SFMBT1: variants seen among roughly 807,000 people sequenced by gnomAD.
The protein encoded by SFMBT1 is Scm like with four mbt domains 1, also known as scm-like with four MBT domains protein 1.
Under a neutral mutation model 108.7 loss-of-function variants are expected in SFMBT1, and 32 were observed. The ratio of observed to expected loss-of-function variants is 0.29; its 90% CI spans 0.22 to 0.40. The LOEUF is 0.40. Among genes scored for constraint, SFMBT1 ranks in the 10% least tolerant of loss-of-function variants. SFMBT1 has a pLI of 1.00. For synonymous variants in SFMBT1, 348 were observed against 369.5 expected, an observed-to-expected ratio of 0.94 and a Z score of 0.67; for missense variants, 816 against 1,059.6, an observed-to-expected ratio of 0.77 and a Z score of 3.19.
intron 1 of SFMBT1, among the ~76,000 whole-genome samples, chr3:53,001,846 G>A (rs1269944051): frequency 6.8e-6 from 1 of 146,538 alleles, no homozygotes; most frequent in East Asian, 2.0e-4. Context: ...GGATATGTAG[G>A]CCCAGGAGGT....
intron 3 of SFMBT1, among the ~76,000 whole-genome samples, chr3:52,953,208 G>A (rs1246112812): frequency 6.6e-6 from 1 of 152,240 alleles, no homozygotes; most frequent in Non-Finnish European, 1.5e-5. Flanking sequence ...GCTCACGCCT[G>A]TAATCCCAGC....
At chr3:53,016,895 T>C (rs1447708328) in intron 1 of SFMBT1, among the ~76,000 whole-genome samples, 2 of 152,220 alleles carry the variant, frequency 1.3e-5, no homozygotes, top group African/African-American at 4.8e-5. Flanking sequence ...TGTTTTGCCT[T>C]TCACATTGGA....
rs1038291703 is a variant in SFMBT1, at chr3:52,997,367, T to C, written c.-130-28109A>G. ...CCTGGCTAACACTGTGAAACCCGTC[T>C]CTACTAAAAACACAAAAAATTAGTC... is the stretch of plus-strand genomic sequence containing the variant. On this transcript the variant is annotated intron_variant, in intron 1 of 20. Coordinates refer to ENST00000394752, the MANE Select transcript of SFMBT1 (RefSeq NM_016329.4). Among the ~76,000 whole-genome samples, 107 of 149,594 alleles carry C rather than the reference T, an allele frequency of 7.2e-4. 1 individual carries two copies. The highest frequency in any genetic ancestry group is 2.6e-3 in the African/African-American group (105 of 41,160).
At chr3:52,908,585 A>G (rs1702136250) in intron 17 of SFMBT1, among the ~76,000 whole-genome samples, 1 of 151,378 alleles carries the variant, frequency 6.6e-6, no homozygotes, top group Non-Finnish European at 1.5e-5. Flanking sequence ...CCATTGTTCT[A>G]TTTTTTTGAG....
chr3:52,996,982 T>C (rs775856216), intron 1 of SFMBT1, among the ~76,000 whole-genome samples: 3 of 149,374 alleles, frequency 2.0e-5, no homozygotes, highest in African/African-American at 4.9e-5. Flanking sequence ...GGCAGAAGAA[T>C]AGCTTGAACC....
chr3:52,980,249 C>T (rs879501947), intron 1 of SFMBT1, among the ~76,000 whole-genome samples: 1 of 152,124 alleles, frequency 6.6e-6, no homozygotes, highest in African/African-American at 2.4e-5. Context: ...AAGTGTAGTA[C>T]ATATTGCATC....
At chr3:53,022,614 G>A (rs948707831) in intron 1 of SFMBT1, among the ~76,000 whole-genome samples, 4 of 152,096 alleles carry the variant, frequency 2.6e-5, no homozygotes, top group South Asian at 2.1e-4. Context: ...GTTACAATGT[G>A]GATGAACCTG....
intron 12 of SFMBT1, among the ~76,000 whole-genome samples, chr3:52,919,533 G>C (rs1375904277): frequency 3.9e-5 from 6 of 152,124 alleles, no homozygotes; most frequent in African/African-American, 1.4e-4. Flanking sequence ...ATGAGTATAG[G>C]GTTTCTTTCT....
chr3:53,003,170 G>A (rs1442361043), intron 1 of SFMBT1, among the ~76,000 whole-genome samples: 1 of 144,790 alleles, frequency 6.9e-6, no homozygotes, highest in Non-Finnish European at 1.5e-5. Flanking sequence ...TTTTATTCCA[G>A]GAACAGGGTT....
At chr3:53,008,600 C>T (rs554085563) in intron 1 of SFMBT1, among the ~76,000 whole-genome samples, 20 of 150,910 alleles carry the variant, frequency 1.3e-4, no homozygotes, top group Non-Finnish European at 2.1e-4. Flanking sequence ...AGCTCCAGTT[C>T]ATCACATACA....
At chr3:52,942,761 C>T (rs1189095512) in intron 4 of SFMBT1, among the ~76,000 whole-genome samples, 1 of 152,206 alleles carries the variant, frequency 6.6e-6, no homozygotes, top group Non-Finnish European at 1.5e-5. Flanking sequence ...GTGATCCAGC[C>T]GCCTCAGCCT....
chr3:52,979,858 A>G (rs188876908), intron 1 of SFMBT1, among the ~76,000 whole-genome samples: 1 of 152,322 alleles, frequency 6.6e-6, no homozygotes, highest in East Asian at 1.9e-4. Flanking sequence ...CTCATAATCT[A>G]AAGTGTGTAG....
At chr3:52,974,594 C>T (rs1704451132) in intron 1 of SFMBT1, among the ~76,000 whole-genome samples, 1 of 151,888 alleles carries the variant, frequency 6.6e-6, no homozygotes, top group African/African-American at 2.4e-5. Context: ...TTCTTTTAAC[C>T]CACTGCTACA....
chr3:52,967,204 T>C (rs1425917485), intron 2 of SFMBT1, among the ~76,000 whole-genome samples: 2 of 152,102 alleles, frequency 1.3e-5, no homozygotes, highest in East Asian at 3.8e-4. Flanking sequence ...TATCAATAAT[T>C]ACATTAAGTA....
Position 52,905,126 on chromosome 3 carries a change from G to A in SFMBT1, c.*10C>T. ...TGCTTCAAAGATCCAGCTCACTTTGGTTGTCCTTCTCAGTTGGCAAACTGC... is the reference window on the plus strand; with the variant it reads ...TGCTTCAAAGATCCAGCTCACTTTGATTGTCCTTCTCAGTTGGCAAACTGC... On this transcript the variant is annotated 3_prime_UTR_variant, in exon 21 of 21. Coordinates refer to ENST00000394752, the MANE Select transcript of SFMBT1 (RefSeq NM_016329.4). The A allele has an allele frequency of 6.2e-7, 1 of 1,613,008 alleles. No individual in the cohort carries two copies. Among genetic ancestry groups the A allele is most frequent in the African/African-American group, 1.3e-5 (1 of 74,990 alleles).
chr3:53,032,244 C>A (rs180755913), intron 1 of SFMBT1, among the ~76,000 whole-genome samples: 13 of 152,312 alleles, frequency 8.5e-5, no homozygotes, highest in Non-Finnish European at 1.9e-4. Context: ...GTGGTACATG[C>A]CTATGGTTCC....
chr3:53,034,070 CCAAAA>C (rs1190079153), intron 1 of SFMBT1, among the ~76,000 whole-genome samples: 5 of 68,286 alleles, frequency 7.3e-5, no homozygotes, highest in Admixed American at 6.6e-4. Context: ...AACTCTGTCT[CCAAAA>C]AAAAAAAAAA....
intron 1 of SFMBT1, among the ~76,000 whole-genome samples, chr3:53,025,339 T>C (rs1446831531): frequency 1.3e-5 from 2 of 152,238 alleles, no homozygotes; most frequent in Non-Finnish European, 2.9e-5. Flanking sequence ...CTGGGTGCAG[T>C]GGCTCACGCC....
At chr3:52,986,129 T>G in intron 1 of SFMBT1, among the ~76,000 whole-genome samples, 1 of 131,980 alleles carries the variant, frequency 7.6e-6, no homozygotes. Context: ...GGAGACAGAG[T>G]GAGACTCCGT....
Sources: allele counts gnomAD v4.1 joint callset (sites outside exome capture counted in the v4.1 genomes callset), GRCh38; gene constraint gnomAD v4.1.1; transcripts MANE v1.5; gene names NCBI Gene and HGNC (gene_info 2026-07-23, HGNC 2026-07-21).